NTRK2: variants seen among roughly 807,000 people sequenced by gnomAD.
NTRK2 encodes BDNF/NT-3 growth factors receptor.
Under a neutral mutation model 94.5 loss-of-function variants are expected in NTRK2, and 13 were observed. That is an observed-to-expected ratio of 0.14 (90% CI 0.09 to 0.22). The LOEUF is 0.22. Among genes scored for constraint, NTRK2 ranks in the 10% least tolerant of loss-of-function variants. The probability of loss-of-function intolerance (pLI) is 1.00; values close to 1 mark genes in which losing one functional copy is unlikely to be tolerated. For missense variants in NTRK2, 639 were observed against 1,071.2 expected, an observed-to-expected ratio of 0.60 and a Z score of 5.63; for synonymous variants, 372 against 407.4, an observed-to-expected ratio of 0.91 and a Z score of 1.05.
At chr9:84,719,777 G>A (rs370596581) in intron 6 of NTRK2, among the ~76,000 whole-genome samples, 8 of 152,154 alleles carry the variant, frequency 5.3e-5, no homozygotes, top group African/African-American at 1.9e-4. Context: ...CTAGCACTTT[G>A]GGAGGCTGAG....
intron 17 of NTRK2, among the ~76,000 whole-genome samples, chr9:85,019,298 T>C (rs1832573202): frequency 6.6e-6 from 1 of 152,176 alleles, no homozygotes; most frequent in African/African-American, 2.4e-5. Flanking sequence ...GCATACTGTG[T>C]AGCATGGTGG....
intron 13 of NTRK2, among the ~76,000 whole-genome samples, chr9:84,862,405 G>C (rs1244740993): frequency 6.6e-6 from 1 of 152,122 alleles, no homozygotes; most frequent in African/African-American, 2.4e-5. Flanking sequence ...TATAAGACAG[G>C]GTCTTGCTTC....
At chr9:84,733,029 C>A (rs983566344) in intron 9 of NTRK2, among the ~76,000 whole-genome samples, 1 of 152,152 alleles carries the variant, frequency 6.6e-6, no homozygotes, top group Non-Finnish European at 1.5e-5. Flanking sequence ...AGTCTCTTGT[C>A]CCCTAGGTGT....
chr9:84,795,930 C>A (rs949120830), intron 12 of NTRK2, among the ~76,000 whole-genome samples: 2 of 151,742 alleles, frequency 1.3e-5, no homozygotes, highest in Non-Finnish European at 2.9e-5. Context: ...ATAGATGTCA[C>A]AATGTCACTT....
At chr9:84,826,000 A>G (rs914017244) in intron 12 of NTRK2, among the ~76,000 whole-genome samples, 3 of 152,228 alleles carry the variant, frequency 2.0e-5, no homozygotes, top group Non-Finnish European at 4.4e-5. Flanking sequence ...GGAGCTTCTG[A>G]GGCACGGAAG....
chr9:84,848,079 CAGAGAGAGAGAGAGAG>C (rs3029704), intron 12 of NTRK2, among the ~76,000 whole-genome samples: 4 of 144,254 alleles, frequency 2.8e-5, no homozygotes, highest in Admixed American at 1.4e-4. Context: ...TAGAGAGGGG[CAGAGAGAGAGAGAGAG>C]AGAGAGAGAG....
intron 2 of NTRK2, among the ~76,000 whole-genome samples, chr9:84,680,456 A>G (rs1348908984): frequency 6.6e-6 from 1 of 152,216 alleles, no homozygotes; most frequent in Non-Finnish European, 1.5e-5. Flanking sequence ...GTAAGCTGCA[A>G]CTTGCATCTG....
At chr9:84,844,896 G>GA (rs59816362) in intron 12 of NTRK2, among the ~76,000 whole-genome samples, 24 of 146,286 alleles carry the variant, frequency 1.6e-4, no homozygotes, top group East Asian at 4.0e-4. Context: ...ATTAAAATTT[G>GA]AAAAAAAAAA....
intron 15 of NTRK2, among the ~76,000 whole-genome samples, chr9:84,940,158 G>A (rs145696284): frequency 5.9e-5 from 9 of 152,192 alleles, no homozygotes; most frequent in Admixed American, 5.2e-4. Flanking sequence ...TGGACTGAAC[G>A]TGGGGAAGTA....
intron 12 of NTRK2, among the ~76,000 whole-genome samples, chr9:84,786,998 TA>T (rs201186314): frequency 0.012 from 1,888 of 151,860 alleles, 36 homozygotes; most frequent in African/African-American, 0.04. Context: ...CAATGCAGAT[TA>T]AAAAAAATGA....
chr9:84,863,282 A>G (rs2075418578), intron 13 of NTRK2, among the ~76,000 whole-genome samples: 1 of 152,202 alleles, frequency 6.6e-6, no homozygotes, highest in Non-Finnish European at 1.5e-5. Flanking sequence ...CTGTAAAGTC[A>G]TAGTACAGGA....
intron 12 of NTRK2, among the ~76,000 whole-genome samples, chr9:84,783,038 T>G (rs2067754506): frequency 6.6e-6 from 1 of 151,538 alleles, no homozygotes; most frequent in Middle Eastern, 3.4e-3. Flanking sequence ...TTCCAGAACT[T>G]GTTTCTTTGA....
At chr9:84,731,089 T>G (rs1481381837) in intron 9 of NTRK2, among the ~76,000 whole-genome samples, 3 of 152,000 alleles carry the variant, frequency 2.0e-5, no homozygotes, top group Non-Finnish European at 4.4e-5. Context: ...AGAGCCATAA[T>G]TAATGTGACA....
chr9:84,968,510 G>A lies in NTRK2; in HGVS notation c.2172+12993G>A, dbSNP rs534017161. 5.3e-5 allele frequency among the ~76,000 whole-genome samples: 8 copies of A among 152,308 alleles called. No homozygotes were observed. The East Asian group carries it at 1.4e-3, about 26-fold the overall frequency. On this transcript the variant is annotated intron_variant, in intron 17 of 18. Transcript: ENST00000277120. ...TAGTCAGTCTGTCCCTTTATTTTAAGGAGGGAATCTGGGTTTTTTGTCCAG... is the reference window on the plus strand; with the variant it reads ...TAGTCAGTCTGTCCCTTTATTTTAAAGAGGGAATCTGGGTTTTTTGTCCAG...
chr9:84,942,914 A>G (rs533045757), intron 15 of NTRK2, among the ~76,000 whole-genome samples: 14 of 152,280 alleles, frequency 9.2e-5, no homozygotes, highest in Admixed American at 5.9e-4. Context: ...CATTTGCAAC[A>G]GATCTTGCCA....
chr9:84,864,786 G>A (rs929564364), intron 13 of NTRK2, among the ~76,000 whole-genome samples: 10 of 141,704 alleles, frequency 7.1e-5, no homozygotes, highest in Non-Finnish European at 1.5e-4. Context: ...TGTCACCCAG[G>A]CTGGAGTGCA....
chr9:84,883,722 A>G (rs2132234338), intron 14 of NTRK2, among the ~76,000 whole-genome samples: 1 of 152,346 alleles, frequency 6.6e-6, no homozygotes, highest in South Asian at 2.1e-4. Context: ...AAGCTTAACT[A>G]TTTGAAAAGG....
Position 85,023,276 on chromosome 9 carries a change from C to T in NTRK2, c.*1839C>T. On this transcript the variant is annotated 3_prime_UTR_variant, in exon 19 of 19. Transcript: ENST00000277120. ...TTTGCTAAACTTGACATCTTTATAA[C>T]ATGAGCCAGATTGAAAGGGAGTGAT... is the stretch of plus-strand genomic sequence containing the variant. The T allele has an allele frequency of 4.3e-6, 1 of 233,010 alleles. No homozygotes were observed. The highest frequency in any genetic ancestry group is 8.5e-6 in the Non-Finnish European group (1 of 117,870). The allele number at this position is 233,010 out of a possible 1,614,324, so 14.4% of individuals were successfully genotyped here. A position where few individuals can be genotyped will look rare whatever the true frequency, so the allele number is the denominator to read the frequency against.
Position 84,734,562 on chromosome 9 carries a change from G to A in NTRK2, c.1159+6603G>A, listed in dbSNP as rs146163556. Among the ~76,000 whole-genome samples, 414 of 152,298 alleles carry A rather than the reference G, an allele frequency of 2.7e-3. 1 individual carries two copies. Among genetic ancestry groups the A allele is most frequent in the African/African-American group, 9.4e-3 (391 of 41,562 alleles). On this transcript the variant is annotated intron_variant, in intron 9 of 18. Transcript: ENST00000277120. ...GAATTGTAGCTCCCATGATTTCCAC[G>A]TGTGGTGGGAGGGACCTAATGGGAG...
Sources: gnomAD v4.1 joint callset for allele counts (sites outside exome capture counted in the v4.1 genomes callset) on GRCh38, gnomAD v4.1.1 for gene constraint, MANE v1.5 for transcripts, NCBI Gene and HGNC (gene_info 2026-07-23, HGNC 2026-07-21) for gene names.